Variants in LONP1 observed in about 807,000 individuals in gnomAD.
The protein encoded by LONP1 is lon peptidase 1, mitochondrial, also known as lon protease homolog, mitochondrial.
LONP1 carries 31 observed loss-of-function variants against 98.5 expected under a neutral mutation model. The ratio of observed to expected loss-of-function variants is 0.31; its 90% CI spans 0.24 to 0.42. The LOEUF is 0.42. LONP1 is among the 20% of genes least tolerant of loss of function. The pLI is 1.00. For synonymous variants in LONP1, 781 were observed against 594.7 expected, an observed-to-expected ratio of 1.31 and a Z score of -4.56; for missense variants, 1,336 against 1,350.6, an observed-to-expected ratio of 0.99 and a Z score of 0.17.
At chr19:5,693,504 C>T (rs1381466550) in intron 16 of LONP1, 42 bp from the exon 17 acceptor site, 2 of 1,611,736 alleles carry the variant, frequency 1.2e-6, no homozygotes, top group Non-Finnish European at 1.7e-6. Flanking sequence ...AGGTGGCCAG[C>T]AGCCCAGGGA....
intron 5 of LONP1, chr19:5,708,139 AAG>A: frequency 1.6e-6 from 1 of 621,800 alleles, no homozygotes. Context: ...GAAGGGGACA[AAG>A]AAACTGGGCC....
At chr19:5,717,891 CTTTTTT>C (rs532198283) in intron 1 of LONP1, among the ~76,000 whole-genome samples, 3 of 133,266 alleles carry the variant, frequency 2.3e-5, no homozygotes, top group Middle Eastern at 3.8e-3. Flanking sequence ...TTCTTTCTTT[CTTTTTT>C]TTTTTTTTTT....
intron 13 of LONP1, 63 bp from the exon 14 acceptor site, chr19:5,694,964 C>G: frequency 6.5e-7 from 1 of 1,545,154 alleles, no homozygotes; most frequent in South Asian, 1.2e-5. Context: ...AGTCTAGAAC[C>G]TGGGAGCCAA....
chr19:5,697,448 C>G (rs979430080), intron 10 of LONP1, among the ~76,000 whole-genome samples: 1 of 149,480 alleles, frequency 6.7e-6, no homozygotes, highest in East Asian at 2.0e-4. Context: ...TGAAACAGGA[C>G]CACGCCTGGT....
rs2055171714 is a variant in LONP1, at chr19:5,707,783, C to G, written c.976G>C (p.Asp326His). 22 of 1,613,112 alleles carry G rather than the reference C, an allele frequency of 1.4e-5. No homozygotes were observed. The highest frequency in any genetic ancestry group is 4.0e-5 in the African/African-American group (3 of 74,894). ...QMMQAGQRVV[D>H]NPIYLSDMGA... The stretch of plus-strand genomic sequence containing the variant: ...ATGTCGCTCAGGTAGATGGGGTTGT[C>G]CACCACCCGCTGGCCAGCCTGCATC... The change falls in exon 6 of 18, where the codon GAC becomes CAC. Residue 326 changes from aspartate to histidine, a missense_variant. Physicochemically the swap from Asp to His is moderately conservative, Grantham distance 81. Coordinates refer to ENST00000360614, the MANE Select transcript of LONP1 (RefSeq NM_004793.4).
intron 7 of LONP1, 88 bp from the exon 8 acceptor site, chr19:5,706,080 C>T: frequency 2.4e-6 from 2 of 818,916 alleles, no homozygotes; most frequent in South Asian, 3.0e-5. Flanking sequence ...CCCTCTGCTC[C>T]CCCAGGACTC....
intron 8 of LONP1, among the ~76,000 whole-genome samples, chr19:5,703,570 G>A (rs548773018): frequency 5.4e-4 from 82 of 151,984 alleles, no homozygotes; most frequent in African/African-American, 1.9e-3. Flanking sequence ...GGCTTCCGAG[G>A]AAGGGCCAGG....
At chr19:5,696,629 C>A in intron 11 of LONP1, 41 bp downstream of exon 11, 1 of 1,512,524 alleles carries the variant, frequency 6.6e-7, no homozygotes, top group Non-Finnish European at 9.1e-7. Context: ...TTGCACACGG[C>A]ATTGCCGGGT....
rs907207764 is a variant in LONP1 at position 5,720,068 on chromosome 19, G to A, written c.65C>T (p.Pro22Leu). Residue 22 changes from proline to leucine, a missense_variant, in exon 1 of 18, where the codon CCG becomes CTG. Physicochemically the swap from Pro to Leu is moderately conservative, Grantham distance 98 (BLOSUM62 -3). Around this residue, in one of 5 missense-constraint regions of LONP1, gnomAD observed 457 missense variants for 403.1 expected, o/e 1.13. Coordinates refer to ENST00000360614, the MANE Select transcript of LONP1 (RefSeq NM_004793.4). ...GAARCWVLRR[P>L]MLAAAGGRVP... ...CCGCCCCCCGGCGGCGGCCAGCATC[G>A]GCCGCCGCAGCACCCAGCACCGCGC... The A allele has an allele frequency of 6.5e-7, 1 of 1,527,906 alleles. No homozygotes were observed. The highest frequency in any genetic ancestry group is 2.5e-5 in the East Asian group (1 of 39,400). The allele number at this position is 1,527,906 out of a possible 1,614,324, so 94.6% of individuals were successfully genotyped here.
chr19:5,703,215 C>G (rs1189278395), intron 8 of LONP1, among the ~76,000 whole-genome samples: 1 of 151,946 alleles, frequency 6.6e-6, no homozygotes, highest in Admixed American at 6.6e-5. Flanking sequence ...ACAAACTGCC[C>G]TGTCCAAAGC....
intron 11 of LONP1, 84 bp downstream of exon 11, chr19:5,696,586 G>A: frequency 6.9e-7 from 1 of 1,442,002 alleles, no homozygotes; most frequent in South Asian, 1.3e-5. Flanking sequence ...AGTTGGCTCG[G>A]GGATCCTAGG....
At chr19:5,716,954 A>C (rs768295438) in intron 1 of LONP1, among the ~76,000 whole-genome samples, 280 of 152,082 alleles carry the variant, frequency 1.8e-3, no homozygotes, top group Non-Finnish European at 3.2e-3. Flanking sequence ...CCACCACTCC[A>C]GGCTAATTTT....
Position 5,692,224 on chromosome 19 carries a change from G to A in LONP1, c.2704-16C>T. ...CGCGCTTGGCCTGGGGGCAGAGTCA[G>A]GGTCAGCCCTGCCTGGGCCTGTGGG... On this transcript the variant is annotated splice_polypyrimidine_tract_variant and intron_variant, in intron 17 of 17. Coordinates refer to ENST00000360614, the MANE Select transcript of LONP1 (RefSeq NM_004793.4). 2 of 1,604,228 alleles carry A rather than the reference G, an allele frequency of 1.2e-6. No individual in the cohort carries two copies. Among genetic ancestry groups the A allele is most frequent in the Non-Finnish European group, 1.7e-6 (2 of 1,173,652 alleles).
rs767913931 is a variant in LONP1 at position 5,696,369 on chromosome 19, C to T, written c.1776G>A (p.Val592=). Reference sequence around the variant, plus strand: ...CCTGGTAGCCTCGGCCGATCTTGTCCACCTGGGGCAGCAGACAGCAGGTGG... The same window carrying T: ...CCTGGTAGCCTCGGCCGATCTTGTCTACCTGGGGCAGCAGACAGCAGGTGG... ...TENPLILIDE[V]DKIGRGYQGD... The change falls in exon 12 of 18, where the codon GTG becomes GTA. Residue 592 remains valine (V), a splice_region_variant and synonymous_variant. Coordinates refer to ENST00000360614, the MANE Select transcript of LONP1 (RefSeq NM_004793.4). 1.9e-6 allele frequency: 3 copies of T among 1,612,636 alleles called. No homozygotes were observed. The highest frequency in any genetic ancestry group is 2.5e-6 in the Non-Finnish European group (3 of 1,179,618).
chr19:5,703,442 T>A (rs1223545728), intron 8 of LONP1, among the ~76,000 whole-genome samples: 1 of 151,808 alleles, frequency 6.6e-6, no homozygotes, highest in East Asian at 1.9e-4. Flanking sequence ...CAACTCCATA[T>A]TGGTCCCCAA....
Position 5,696,237 on chromosome 19 carries a change from C to A in LONP1, c.1896+12G>T, listed in dbSNP as rs191275320. On this transcript the variant is annotated intron_variant, in intron 12 of 17. Coordinates refer to ENST00000360614, the MANE Select transcript of LONP1 (RefSeq NM_004793.4). ...CTCCCCAGCAAGCCCAGGCCCCAGA[C>A]AGGCCCCCCACCTTGGACAAGTCCA... 6.2e-7 allele frequency: 1 copy of A among 1,613,012 alleles called. No homozygotes were observed.
At chr19:5,694,328 G>A (rs1313872087) in intron 15 of LONP1, 59 bp downstream of exon 15, 4 of 1,595,834 alleles carry the variant, frequency 2.5e-6, no homozygotes, top group East Asian at 4.5e-5. Context: ...GGTGGGACCT[G>A]CTTGTTCTCG....
At chr19:5,696,570 C>T in intron 11 of LONP1, 100 bp downstream of exon 11, 3 of 1,347,272 alleles carry the variant, frequency 2.2e-6, no homozygotes, top group South Asian at 2.6e-5. Context: ...ACGGCGATGG[C>T]CCCTGAGTTG....
At chr19:5,701,393 A>G (rs936964922) in intron 8 of LONP1, among the ~76,000 whole-genome samples, 67 of 151,404 alleles carry the variant, frequency 4.4e-4, no homozygotes, top group African/African-American at 1.6e-3. Flanking sequence ...CCGAGGCTGG[A>G]CTGTGTGCTG....
Sources: gnomAD v4.1 joint callset for allele counts (sites outside exome capture counted in the v4.1 genomes callset) on GRCh38, gnomAD v4.1.1 for gene constraint, gnomAD v4.1.1 regional missense constraint, MANE v1.5 for transcripts, NCBI Gene and HGNC (gene_info 2026-07-23, HGNC 2026-07-21) for gene names.